The following MYO10 variants were observed in gnomAD, a reference collection of about 807,000 sequenced individuals.
MYO10 encodes the protein unconventional myosin-X.
A neutral mutation model predicts 257.3 loss-of-function variants in MYO10; 133 were observed. The observed-to-expected ratio is 0.52, with a 90% CI of 0.45 to 0.60. The LOEUF is 0.60. MYO10 is among the 20% of genes least tolerant of loss of function. The pLI, the probability that MYO10 is intolerant of heterozygous loss-of-function variation, is 0.00. For missense variants in MYO10, 2,399 were observed against 2,635.7 expected, an observed-to-expected ratio of 0.91 and a Z score of 1.97; for synonymous variants, 1,104 against 1,028.6, an observed-to-expected ratio of 1.07 and a Z score of -1.40.
intron 31 of MYO10, among the ~76,000 whole-genome samples, 168 bp downstream of exon 31, chr5:16,681,703 A>T (rs1737009733): frequency 1.3e-5 from 2 of 152,182 alleles, no homozygotes; most frequent in African/African-American, 4.8e-5. Flanking sequence ...AAAAAACATG[A>T]CCCTCTAGAA....
intron 2 of MYO10, among the ~76,000 whole-genome samples, chr5:16,850,464 G>T (rs1273481365): frequency 6.6e-6 from 1 of 151,938 alleles, no homozygotes; most frequent in African/African-American, 2.4e-5. Flanking sequence ...TTTTAGTAGA[G>T]ATGGGGTTTC....
Position 16,695,021 on chromosome 5 carries a change from A to G in MYO10, c.3557-407T>C, listed in dbSNP as rs114262996. ...GGGAAAATTATTTTAACATGGTGTC[A>G]AAGTTTACCAGTTTCTTTACCCGTT... On this transcript the variant is annotated intron_variant, in intron 26 of 40. Coordinates refer to ENST00000513610, the MANE Select transcript of MYO10 (RefSeq NM_012334.3). 7.3e-3 allele frequency among the ~76,000 whole-genome samples: 1,113 copies of G among 152,346 alleles called. 5 individuals carry two copies. Among genetic ancestry groups the G allele is most frequent in the South Asian group, 1.0e-2 (48 of 4,824 alleles).
At chr5:16,855,005 C>T (rs1743920082) in intron 2 of MYO10, among the ~76,000 whole-genome samples, 1 of 151,812 alleles carries the variant, frequency 6.6e-6, no homozygotes, top group Non-Finnish European at 1.5e-5. Flanking sequence ...TGCACTCAGC[C>T]CAGACGACAA....
At chr5:16,763,361 G>T in intron 14 of MYO10, 120 bp downstream of exon 14, 1 of 782,604 alleles carries the variant, frequency 1.3e-6, no homozygotes, top group Non-Finnish European at 2.2e-6. Context: ...ATGGTCCATT[G>T]TGTTCTAAAC....
intron 2 of MYO10, among the ~76,000 whole-genome samples, chr5:16,827,664 GTTTC>G (rs1208967814): frequency 6.6e-6 from 1 of 152,144 alleles, no homozygotes; most frequent in East Asian, 1.9e-4. Context: ...AAGATTGTTA[GTTTC>G]TTTTTCAAAG....
intron 1 of MYO10, among the ~76,000 whole-genome samples, chr5:16,927,038 T>C (rs1746151792): frequency 1.3e-5 from 2 of 152,174 alleles, no homozygotes; most frequent in Admixed American, 6.6e-5. Flanking sequence ...CCAGGCAGAG[T>C]AGAAGCCATT....
intron 19 of MYO10, among the ~76,000 whole-genome samples, chr5:16,739,038 A>G (rs1739916231): frequency 6.6e-6 from 1 of 152,128 alleles, no homozygotes; most frequent in Non-Finnish European, 1.5e-5. Context: ...AAAGCAACAC[A>G]GAGCCAGGAG....
intron 39 of MYO10, among the ~76,000 whole-genome samples, chr5:16,669,072 T>G (rs754774758): frequency 1.3e-5 from 2 of 151,950 alleles, no homozygotes; most frequent in Non-Finnish European, 2.9e-5. Flanking sequence ...TAAGACCCCA[T>G]ATGAAGGGGC....
chr5:16,697,215 A>G (rs563440377), intron 26 of MYO10, among the ~76,000 whole-genome samples: 1 of 152,170 alleles, frequency 6.6e-6, no homozygotes, highest in Non-Finnish European at 1.5e-5. Context: ...AAGGCAAATG[A>G]CTGACAGTCG....
chr5:16,820,469 C>T (rs1160352302), intron 2 of MYO10, among the ~76,000 whole-genome samples: 3 of 152,152 alleles, frequency 2.0e-5, no homozygotes, highest in South Asian at 2.1e-4. Context: ...TGCCAGCTCC[C>T]GGCACACACC....
intron 28 of MYO10, among the ~76,000 whole-genome samples, chr5:16,687,750 CT>C (rs1737316047): frequency 6.6e-6 from 1 of 151,960 alleles, no homozygotes; most frequent in Non-Finnish European, 1.5e-5. Flanking sequence ...AAGGAAAACA[CT>C]TTAATATAAA....
intron 14 of MYO10, among the ~76,000 whole-genome samples, chr5:16,762,995 T>C (rs1740764513): frequency 6.7e-6 from 1 of 149,028 alleles, no homozygotes; most frequent in African/African-American, 2.5e-5. Context: ...AAAAGTTGAA[T>C]GTGTGCGTCC....
chr5:16,809,887 C>T (rs767006676), intron 3 of MYO10, among the ~76,000 whole-genome samples: 2 of 152,074 alleles, frequency 1.3e-5, no homozygotes, highest in Non-Finnish European at 2.9e-5. Context: ...TAATTGCAGG[C>T]GACCGCTGAA....
intron 19 of MYO10, among the ~76,000 whole-genome samples, chr5:16,752,023 C>G (rs1260531111): frequency 6.6e-6 from 1 of 152,128 alleles, no homozygotes; most frequent in Non-Finnish European, 1.5e-5. Context: ...GAACTGCTTC[C>G]AAGCAGGCCT....
chr5:16,681,394 C>T lies in MYO10; in HGVS notation c.4299G>A (p.Glu1433=), dbSNP rs774971826. Residue 1433 remains glutamate (E), a synonymous_variant, in exon 32 of 41, where the codon GAG becomes GAA. Transcript: ENST00000513610. ...HNSLDYYKSS[E]KNALKLGTLV... ...GGGTCCCCAGTTTGAGCGCGTTCTT[C>T]TCTGAACTCTTGTAGTAATCCAGGG... 2.5e-6 allele frequency: 4 copies of T among 1,614,036 alleles called. No homozygotes were observed. Among genetic ancestry groups the T allele is most frequent in the Non-Finnish European group, 3.4e-6 (4 of 1,179,900 alleles).
intron 2 of MYO10, among the ~76,000 whole-genome samples, chr5:16,855,590 C>T (rs1357425937): frequency 6.6e-6 from 1 of 152,198 alleles, no homozygotes; most frequent in Non-Finnish European, 1.5e-5. Context: ...TTAGGTTAAT[C>T]GGACAGGATT....
intron 19 of MYO10, among the ~76,000 whole-genome samples, chr5:16,727,786 CAG>C (rs1384480248): frequency 2.7e-5 from 4 of 148,924 alleles, no homozygotes; most frequent in African/African-American, 5.0e-5. Flanking sequence ...GATGCTGAAA[CAG>C]AGCCAGCGCT....
At chr5:16,935,536 G>C (rs1746414197) in intron 1 of MYO10, among the ~76,000 whole-genome samples, 1 of 152,078 alleles carries the variant, frequency 6.6e-6, no homozygotes, top group African/African-American at 2.4e-5. Context: ...CCGAGAGCCA[G>C]CCACCCACGC....
intron 3 of MYO10, among the ~76,000 whole-genome samples, chr5:16,797,794 C>T (rs956557120): frequency 6.6e-6 from 1 of 152,210 alleles, no homozygotes; most frequent in Non-Finnish European, 1.5e-5. Flanking sequence ...AGGGGAATGA[C>T]TGCTTCACTG....
Sources: allele counts gnomAD v4.1 joint callset (sites outside exome capture counted in the v4.1 genomes callset), GRCh38; gene constraint gnomAD v4.1.1; transcripts MANE v1.5; gene names NCBI Gene and HGNC (gene_info 2026-07-23, HGNC 2026-07-21).